MAN1A2: variants seen among roughly 807,000 people sequenced by gnomAD.
The protein encoded by MAN1A2 is mannosyl-oligosaccharide 1,2-alpha-mannosidase IB.
In MAN1A2, 26 loss-of-function variants were observed where a neutral mutation model predicts 75.7. That is an observed-to-expected ratio of 0.34 (90% confidence interval 0.25 to 0.48). MAN1A2 has a LOEUF of 0.48. MAN1A2 is among the 20% of genes least tolerant of loss of function. The pLI is 0.99. For synonymous variants in MAN1A2, 247 were observed against 264.6 expected (o/e 0.93, Z 0.65); for missense variants, 562 against 775.5 (o/e 0.72, Z 3.27).
intron 9 of MAN1A2, chr1:117,494,680 G>T (rs891704910): frequency 1.3e-5 from 2 of 151,924 alleles, no homozygotes; most frequent in African/African-American, 2.4e-5. Flanking sequence ...GTACAACCAA[G>T]AATATAAATT....
intron 1 of MAN1A2, among the ~76,000 whole-genome samples, chr1:117,375,274 A>T (rs1056529957): frequency 6.6e-6 from 1 of 152,052 alleles, no homozygotes; most frequent in Admixed American, 6.5e-5. Flanking sequence ...TTCCTTTTTT[A>T]AAAAAATTTA....
intron 1 of MAN1A2, among the ~76,000 whole-genome samples, chr1:117,382,222 A>G (rs1398745818): frequency 1.3e-5 from 2 of 152,104 alleles, no homozygotes; most frequent in Non-Finnish European, 2.9e-5. Flanking sequence ...TTTTGTTGCC[A>G]TTGCTTTTTG....
intron 6 of MAN1A2, among the ~76,000 whole-genome samples, chr1:117,453,809 A>G (rs527611007): frequency 6.6e-6 from 1 of 152,358 alleles, no homozygotes; most frequent in East Asian, 1.9e-4. Flanking sequence ...ATCACATGCT[A>G]CAGAGAGATC....
chr1:117,503,427 ACCATAGCCACTCAT>A, intron 12 of MAN1A2, among the ~76,000 whole-genome samples: 1 of 151,584 alleles, frequency 6.6e-6, no homozygotes, highest in East Asian at 1.9e-4. Context: ...GTACTAAATG[ACCATAGCCACTCAT>A]CCACCCGATG....
At chr1:117,373,209 C>A (rs1331427918) in intron 1 of MAN1A2, among the ~76,000 whole-genome samples, 2 of 151,962 alleles carry the variant, frequency 1.3e-5, no homozygotes, top group African/African-American at 2.4e-5. Context: ...CTCACTATTG[C>A]AATTTTAATT....
chr1:117,483,471 A>G (rs552080579), intron 8 of MAN1A2, among the ~76,000 whole-genome samples: 1 of 151,970 alleles, frequency 6.6e-6, no homozygotes, highest in Non-Finnish European at 1.5e-5. Context: ...TGTAAGTTGG[A>G]TTCTTAGGTA....
intron 12 of MAN1A2, 92 bp downstream of exon 12, chr1:117,503,062 A>G (rs1247745638): frequency 1.6e-6 from 1 of 619,126 alleles, no homozygotes; most frequent in East Asian, 3.1e-5. Context: ...GACAGGTTAC[A>G]CTAAATTTTG....
rs576790008 is a variant in MAN1A2, at chr1:117,438,630, T to C, written c.856-3601T>C. On this transcript the variant is annotated intron_variant, in intron 5 of 12. Transcript: ENST00000356554. The stretch of plus-strand genomic sequence containing the variant: ...TCATGGTCAGTGCCCTGTACAGATA[T>C]ACCATTTTTAATCTTGTATTCTGTA... Among the ~76,000 whole-genome samples, 8 of 152,352 alleles carry C rather than the reference T, an allele frequency of 5.3e-5. No homozygotes were observed. The East Asian group carries it at 1.3e-3, about 26-fold the overall frequency.
intron 12 of MAN1A2, among the ~76,000 whole-genome samples, chr1:117,505,420 G>T (rs1216838391): frequency 6.6e-6 from 1 of 151,094 alleles, no homozygotes; most frequent in Non-Finnish European, 1.5e-5. Context: ...GCCAAGTTCA[G>T]TCAGAACTCT....
At chr1:117,480,788 T>G (rs1374584287) in intron 8 of MAN1A2, among the ~76,000 whole-genome samples, 1 of 151,926 alleles carries the variant, frequency 6.6e-6, no homozygotes, top group Non-Finnish European at 1.5e-5. Context: ...CTTGTGTACT[T>G]TCACTACCCC....
chr1:117,396,770 A>G (rs548579434), intron 1 of MAN1A2, among the ~76,000 whole-genome samples: 1 of 152,290 alleles, frequency 6.6e-6, no homozygotes, highest in South Asian at 2.1e-4. Context: ...GGTTAGAAGG[A>G]TTGAAATTAT....
chr1:117,409,621 T>C (rs1438278695), intron 3 of MAN1A2, among the ~76,000 whole-genome samples: 2 of 152,024 alleles, frequency 1.3e-5, no homozygotes, highest in Non-Finnish European at 2.9e-5. Context: ...TCTATCTTAG[T>C]TGGGTTTCTG....
At chr1:117,509,542 A>G (rs1216101710) in intron 12 of MAN1A2, among the ~76,000 whole-genome samples, 2 of 151,936 alleles carry the variant, frequency 1.3e-5, no homozygotes, top group Non-Finnish European at 2.9e-5. Flanking sequence ...TATTATCAGT[A>G]CTTCATTTGT....
intron 5 of MAN1A2, among the ~76,000 whole-genome samples, chr1:117,439,091 AAGAC>A (rs1226446080): frequency 6.6e-6 from 1 of 152,234 alleles, no homozygotes; most frequent in Non-Finnish European, 1.5e-5. Context: ...AGCAAATAAA[AAGAC>A]AGTGAAACGA....
intron 6 of MAN1A2, among the ~76,000 whole-genome samples, chr1:117,452,266 C>T (rs1375670492): frequency 1.3e-5 from 2 of 151,326 alleles, no homozygotes; most frequent in Admixed American, 6.6e-5. Context: ...AAGATTGCGC[C>T]ACTGCACGCC....
intron 10 of MAN1A2, among the ~76,000 whole-genome samples, chr1:117,498,459 A>G (rs1283595876): frequency 2.0e-5 from 3 of 151,916 alleles, no homozygotes; most frequent in Non-Finnish European, 1.5e-5. Flanking sequence ...GCCAAGTATT[A>G]TGCTAGATGC....
At chr1:117,397,829 T>G (rs913830423) in intron 1 of MAN1A2, among the ~76,000 whole-genome samples, 1 of 151,802 alleles carries the variant, frequency 6.6e-6, no homozygotes, top group African/African-American at 2.4e-5. Flanking sequence ...TTTTTGTATG[T>G]TTAGTAGAGA....
At chr1:117,510,509 AGTC>A (rs1004493040) in intron 12 of MAN1A2, among the ~76,000 whole-genome samples, 3 of 152,076 alleles carry the variant, frequency 2.0e-5, no homozygotes, top group African/African-American at 7.2e-5. Flanking sequence ...ACAGATGAAA[AGTC>A]AAACAATCAG....
intron 1 of MAN1A2, among the ~76,000 whole-genome samples, chr1:117,387,030 A>G: frequency 6.6e-6 from 1 of 151,988 alleles, no homozygotes; most frequent in East Asian, 1.9e-4. Context: ...AACTCCTACA[A>G]CTCAACAACA....
Sources: allele counts gnomAD v4.1 joint callset (sites outside exome capture counted in the v4.1 genomes callset), GRCh38; gene constraint gnomAD v4.1.1; transcripts MANE v1.5; gene names NCBI Gene and HGNC (gene_info 2026-07-23, HGNC 2026-07-21).